PCDHA3: variants seen among roughly 807,000 people sequenced by gnomAD.
PCDHA3 encodes protocadherin alpha 3, also known as protocadherin alpha-3.
In PCDHA3, 41 loss-of-function variants were observed where a neutral mutation model predicts 62.2. The observed-to-expected ratio is 0.66, with a 90% CI of 0.51 to 0.86. PCDHA3 has a LOEUF of 0.86. Among genes scored for constraint, PCDHA3 ranks in the 40% least tolerant of loss-of-function variants. The pLI is 0.00. For synonymous variants in PCDHA3, 640 were observed against 555.4 expected, an observed-to-expected ratio of 1.15 and a Z score of -2.14; for missense variants, 1,304 against 1,241.2, an observed-to-expected ratio of 1.05 and a Z score of -0.76.
intron 1 of PCDHA3, among the ~76,000 whole-genome samples, chr5:140,924,615 C>G (rs142536325): frequency 6.6e-6 from 1 of 152,150 alleles, no homozygotes; most frequent in African/African-American, 2.4e-5. Flanking sequence ...ATGCCAGGTG[C>G]GGTGGCATGG....
At chr5:140,882,208 G>C (rs1554173113) in intron 1 of PCDHA3, 2 of 1,531,598 alleles carry the variant, frequency 1.3e-6, no homozygotes, top group East Asian at 4.5e-5. Flanking sequence ...GGCCTTGAGA[G>C]ACAGTTTGAG....
intron 1 of PCDHA3, among the ~76,000 whole-genome samples, chr5:140,917,330 A>AGGGGGGGGGGG (rs1425400137): frequency 9.7e-6 from 1 of 103,190 alleles, no homozygotes. Flanking sequence ...GTGGCGGGGG[A>AGGGGGGGGGGG]GGGGGGGGAT....
At chr5:141,002,702 G>A (rs2153975030) in intron 3 of PCDHA3, among the ~76,000 whole-genome samples, 1 of 152,294 alleles carries the variant, frequency 6.6e-6, no homozygotes, top group South Asian at 2.1e-4. Context: ...GTTTAACTCT[G>A]TTGCACACAC....
chr5:140,919,509 A>G (rs897648504), intron 1 of PCDHA3, among the ~76,000 whole-genome samples: 1 of 152,052 alleles, frequency 6.6e-6, no homozygotes, highest in Non-Finnish European at 1.5e-5. Context: ...CTTTTTCTAT[A>G]TGTTTTAATT....
At chr5:140,980,149 A>G (rs1287895980) in intron 2 of PCDHA3, among the ~76,000 whole-genome samples, 1 of 152,184 alleles carries the variant, frequency 6.6e-6, no homozygotes, top group East Asian at 1.9e-4. Flanking sequence ...ATTCATGCAT[A>G]TACCAGAATA....
chr5:140,834,201 A>G, intron 1 of PCDHA3: 1 of 610,058 alleles, frequency 1.6e-6, no homozygotes, highest in South Asian at 2.4e-5. Context: ...TCTTTACCGC[A>G]AATTCTTTCG....
chr5:140,806,554 A>G (rs1763748640), intron 1 of PCDHA3, among the ~76,000 whole-genome samples: 1 of 152,186 alleles, frequency 6.6e-6, no homozygotes, highest in Non-Finnish European at 1.5e-5. Flanking sequence ...ACATCTGCAA[A>G]TTTCCCTGTC....
At chr5:140,922,386 T>G (rs1554200798) in intron 1 of PCDHA3, among the ~76,000 whole-genome samples, 1 of 152,194 alleles carries the variant, frequency 6.6e-6, no homozygotes, top group African/African-American at 2.4e-5. Context: ...AACCAAAGAC[T>G]CCTTGTTTTG....
intron 3 of PCDHA3, 29 bp from the exon 4 acceptor site, chr5:141,009,598 T>C: frequency 6.2e-7 from 1 of 1,606,306 alleles, no homozygotes; most frequent in Non-Finnish European, 8.5e-7. Flanking sequence ...GTTGACCCTG[T>C]TAATGATTTG....
In PCDHA3 at chr5:140,843,038, AC is replaced by A. The variant is rs1778505968; in HGVS notation, c.2394+39448del. On this transcript the variant is annotated intron_variant, in intron 1 of 3. Coordinates refer to ENST00000522353, the MANE Select transcript of PCDHA3 (RefSeq NM_018906.3). Reference sequence around the variant, plus strand: ...ACTGCTGGAGCCTCGGGTGGGTGGCACTGGTGGCGCAGCGAGCAAGCTGGTG... The same window carrying A: ...ACTGCTGGAGCCTCGGGTGGGTGGCATGGTGGCGCAGCGAGCAAGCTGGTG... 4.4e-6 allele frequency: 7 copies of A among 1,595,166 alleles called. 1 individual carries two copies. The highest frequency in any genetic ancestry group is 6.0e-6 in the Non-Finnish European group (7 of 1,165,358).
chr5:140,854,880 T>C (rs1244023349), intron 1 of PCDHA3, among the ~76,000 whole-genome samples: 4 of 150,006 alleles, frequency 2.7e-5, no homozygotes, highest in African/African-American at 9.8e-5. Flanking sequence ...CTGTGTCTTT[T>C]GGGCATTTGA....
rs781977975 is a variant in PCDHA3, at chr5:140,857,750, C to G, written c.2394+54159C>G. 1.9e-6 allele frequency: 3 copies of G among 1,597,316 alleles called. No homozygotes were observed. Among genetic ancestry groups the G allele is most frequent in the Non-Finnish European group, 1.7e-6 (2 of 1,167,614 alleles). On this transcript the variant is annotated intron_variant, in intron 1 of 3. Coordinates refer to ENST00000522353, the MANE Select transcript of PCDHA3 (RefSeq NM_018906.3). ...CAACGCTCCCGCGCTGCTGGCGTCT[C>G]CCGCTGGCAGCGCGGGCGGTGCAGT...
At chr5:140,948,527 A>G (rs902965857) in intron 1 of PCDHA3, among the ~76,000 whole-genome samples, 7 of 151,560 alleles carry the variant, frequency 4.6e-5, no homozygotes, top group Non-Finnish European at 8.9e-5. Context: ...CACTATTTAT[A>G]TTTTATTTCA....
At chr5:140,810,443 T>C (rs1764661683) in intron 1 of PCDHA3, 1 of 152,240 alleles carries the variant, frequency 6.6e-6, no homozygotes, top group Non-Finnish European at 1.5e-5. Context: ...CCTGTTTACA[T>C]TCCTAGTAGT....
intron 1 of PCDHA3, chr5:140,871,672 T>C (rs2053253410): frequency 2.6e-6 from 3 of 1,153,066 alleles, no homozygotes; most frequent in Non-Finnish European, 3.6e-6. Flanking sequence ...AGTCTTTTAA[T>C]CATATGAATA....
rs2150490621 is a variant in PCDHA3 at position 140,850,594 on chromosome 5, T to C, written c.2394+47003T>C. The C allele has an allele frequency of 2.5e-6, 4 of 1,598,338 alleles. No individual in the cohort carries two copies. In the East Asian group the frequency reaches 8.9e-5, roughly 36 times the overall value. The stretch of plus-strand genomic sequence containing the variant: ...ACGCTGGTGGATGTCAACGTGTACC[T>C]GATCATCGCCATCTGCGCGGTGTCT... On this transcript the variant is annotated intron_variant, in intron 1 of 3. Coordinates refer to ENST00000522353, the MANE Select transcript of PCDHA3 (RefSeq NM_018906.3).
At chr5:140,982,312 T>C in intron 2 of PCDHA3, 163 bp from the exon 3 acceptor site, 1 of 1,315,948 alleles carries the variant, frequency 7.6e-7, no homozygotes, top group Non-Finnish European at 1.0e-6. Context: ...TTCTGCAGTT[T>C]ATGCAGGGTG....
At chr5:140,835,008 C>A in intron 1 of PCDHA3, 1 of 1,388,200 alleles carries the variant, frequency 7.2e-7, no homozygotes. Context: ...TCCGGAGCTT[C>A]ATTTATTGCT....
At chr5:140,871,316 TGGTGTGCTCCCGCGC>T in intron 1 of PCDHA3, 1 of 1,614,034 alleles carries the variant, frequency 6.2e-7, no homozygotes, top group Non-Finnish European at 8.5e-7. Context: ...AAGCCCACGC[TGGTGTGCTCCCGCGC>T]GGTGGGGAGC....
Sources: allele counts gnomAD v4.1 joint callset (sites outside exome capture counted in the v4.1 genomes callset), GRCh38; gene constraint gnomAD v4.1.1; transcripts MANE v1.5; gene names NCBI Gene and HGNC (gene_info 2026-07-23, HGNC 2026-07-21).